FLYWCH1: variants seen among roughly 807,000 people sequenced by gnomAD.
FLYWCH1 encodes the protein FLYWCH-type zinc finger 1, also known as FLYWCH-type zinc finger-containing protein 1.
A neutral mutation model predicts 66.4 loss-of-function variants in FLYWCH1; 75 were observed. That is an observed-to-expected ratio of 1.13 (90% CI 0.94 to 1.37). The LOEUF (loss-of-function observed/expected upper bound fraction) is 1.37, where lower values mean the gene tolerates loss of function less well. FLYWCH1 is among the 40% of genes most tolerant of loss of function. The pLI, the probability that FLYWCH1 is intolerant of heterozygous loss-of-function variation, is 0.00. For missense variants in FLYWCH1, 1,334 were observed against 1,001.8 expected (o/e 1.33, Z -4.48); for synonymous variants, 595 against 429.9 (o/e 1.38, Z -4.75).
chr16:2,912,456 G>T (rs995299121), intron 1 of FLYWCH1, among the ~76,000 whole-genome samples: 1 of 151,856 alleles, frequency 6.6e-6, no homozygotes, highest in African/African-American at 2.4e-5. Context: ...CGCAGCATCA[G>T]CCCCGTCCCA....
At chr16:2,937,844 C>G (rs2150986994) in intron 7 of FLYWCH1, among the ~76,000 whole-genome samples, 1 of 141,398 alleles carries the variant, frequency 7.1e-6, no homozygotes, top group Admixed American at 7.2e-5. Context: ...GACAGGGAGC[C>G]AGGAGGCCCT....
chr16:2,924,096 C>A (rs565264749), intron 2 of FLYWCH1, among the ~76,000 whole-genome samples: 1 of 151,892 alleles, frequency 6.6e-6, no homozygotes, highest in Non-Finnish European at 1.5e-5. Flanking sequence ...TTTGGGAGGC[C>A]GAGGCAGGCG....
chr16:2,925,090 C>G (rs748816471), intron 2 of FLYWCH1, among the ~76,000 whole-genome samples: 90 of 152,342 alleles, frequency 5.9e-4, no homozygotes, highest in Middle Eastern at 3.4e-3. Context: ...GCAGGACCAG[C>G]TGGCGGGGTG....
rs1167665274 is a variant in FLYWCH1 at position 2,929,992 on chromosome 16, T to G, written c.307T>G (p.Cys103Gly). Residue 103 changes from cysteine to glycine, a missense_variant, in exon 3 of 10, where the codon TGC becomes GGC. Transcript: ENST00000253928. ...QPALEMPEQK[C>G]SKLDAAAPQS... ...AGCCCTAGAGATGCCTGAACAGAAG[T>G]GCAGCAAGCTGGATGCAGGTGAGGT... is the stretch of plus-strand genomic sequence containing the variant. 6.2e-7 allele frequency: 1 copy of G among 1,604,948 alleles called. No individual in the cohort carries two copies.
intron 2 of FLYWCH1, among the ~76,000 whole-genome samples, chr16:2,915,917 C>G (rs946652507): frequency 6.6e-6 from 1 of 152,024 alleles, no homozygotes; most frequent in African/African-American, 2.4e-5. Flanking sequence ...GCCAAGGAAA[C>G]ATATTTTTGA....
chr16:2,924,635 C>T lies in FLYWCH1; in HGVS notation c.-73-4978C>T, dbSNP rs75231848. Among the ~76,000 whole-genome samples the T allele has an allele frequency of 3.0e-3, 464 of 152,278 alleles. 4 individuals are homozygous for T. The highest frequency in any genetic ancestry group is 0.01 in the African/African-American group (421 of 41,574). ...GTGAGGCGTGGGAATGTGTACCCTA[C>T]GCTCCTGCCACGCTGTGGGTCACGC... On this transcript the variant is annotated intron_variant, in intron 2 of 9. Transcript: ENST00000253928.
At chr16:2,940,737 T>G (rs1022365352) in intron 9 of FLYWCH1, among the ~76,000 whole-genome samples, 2 of 152,242 alleles carry the variant, frequency 1.3e-5, no homozygotes, top group African/African-American at 4.8e-5. Context: ...GTGCCCAGCC[T>G]TGTTATTGGT....
intron 9 of FLYWCH1, among the ~76,000 whole-genome samples, chr16:2,943,793 C>T (rs2071367575): frequency 6.6e-6 from 1 of 151,940 alleles, no homozygotes; most frequent in Admixed American, 6.6e-5. Flanking sequence ...AAAAATTAGC[C>T]AGGCGTGGTG....
At chr16:2,919,855 A>G (rs9935192) in intron 2 of FLYWCH1, among the ~76,000 whole-genome samples, 5 of 152,032 alleles carry the variant, frequency 3.3e-5, no homozygotes, top group Non-Finnish European at 5.9e-5. Flanking sequence ...TCTTGTGGCC[A>G]TATGGAGTAT....
At chr16:2,932,329 C>T (rs2070794286) in intron 4 of FLYWCH1, among the ~76,000 whole-genome samples, 2 of 148,728 alleles carry the variant, frequency 1.3e-5, no homozygotes, top group Middle Eastern at 3.6e-3. Flanking sequence ...GGTTTTGGGT[C>T]CTAGGTTCAA....
chr16:2,948,957 T>TG lies in FLYWCH1; in HGVS notation c.*234dup. The TG allele has an allele frequency of 1.8e-6, 1 of 544,916 alleles. No homozygotes were observed. Among genetic ancestry groups the TG allele is most frequent in the Non-Finnish European group, 3.3e-6 (1 of 301,602 alleles). 33.8% of individuals were successfully genotyped at this position (544,916 alleles called of 1,614,324 possible). On this transcript the variant is annotated 3_prime_UTR_variant, in exon 10 of 10. Coordinates refer to ENST00000253928, the MANE Select transcript of FLYWCH1 (RefSeq NM_001308068.2). ...CTGGCGCTTGCAGACGCAGCTGTCG[T>TG]GGGGCAGGGCGGTGGCGCCTTCCTG...
chr16:2,949,728 T>G lies in FLYWCH1; in HGVS notation c.*1001T>G, dbSNP rs773983637. ...GGCAAGTTGGCCACGGAACCCACCATGCACTGCAAGGCTGTGACAGCCTGG... is the reference window on the plus strand; with the variant it reads ...GGCAAGTTGGCCACGGAACCCACCAGGCACTGCAAGGCTGTGACAGCCTGG... On this transcript the variant is annotated 3_prime_UTR_variant, in exon 10 of 10. Transcript: ENST00000253928. 6.6e-6 allele frequency: 1 copy of G among 152,000 alleles called. No homozygotes were observed. The highest frequency in any genetic ancestry group is 1.5e-5 in the Non-Finnish European group (1 of 68,024). The allele number at this position is 152,000 out of a possible 1,614,324, so 9.4% of individuals were successfully genotyped here.
intron 6 of FLYWCH1, 95 bp from the exon 7 acceptor site, chr16:2,937,026 G>A: frequency 8.0e-7 from 1 of 1,243,942 alleles, no homozygotes; most frequent in Non-Finnish European, 1.0e-6. Context: ...GTGAGGAGGA[G>A]GTGTGGGCGT....
At chr16:2,929,482 A>G (rs1322749414) in intron 2 of FLYWCH1, 131 bp from the exon 3 acceptor site, 2 of 660,078 alleles carry the variant, frequency 3.0e-6, no homozygotes, top group Non-Finnish European at 5.1e-6. Context: ...GCCTAGTTCC[A>G]TCAGGCCCCC....
Position 2,944,558 on chromosome 16 carries a change from C to G in FLYWCH1, c.2112-4130C>G, listed in dbSNP as rs576771389. The stretch of plus-strand genomic sequence containing the variant: ...CTGTAGGCCAGCCACAGCATTGGCT[C>G]ACACCTATAATCCCAGCACTTTGGT... On this transcript the variant is annotated intron_variant, in intron 9 of 9. Coordinates refer to ENST00000253928, the MANE Select transcript of FLYWCH1 (RefSeq NM_001308068.2). Among the ~76,000 whole-genome samples, 8 of 152,244 alleles carry G rather than the reference C, an allele frequency of 5.3e-5. No homozygotes were observed. In the South Asian group the frequency reaches 1.7e-3, roughly 32 times the overall value.
intron 6 of FLYWCH1, 127 bp downstream of exon 6, chr16:2,934,106 A>T: frequency 2.5e-6 from 3 of 1,203,236 alleles, no homozygotes; most frequent in Non-Finnish European, 3.4e-6. Context: ...TCCTAGAAGG[A>T]ACTATGGCCC....
chr16:2,944,530 C>G (rs757151902), intron 9 of FLYWCH1, among the ~76,000 whole-genome samples: 3 of 151,930 alleles, frequency 2.0e-5, no homozygotes, highest in Non-Finnish European at 4.4e-5. Context: ...TTTAAAAAGT[C>G]AACTGTAGGC....
At chr16:2,922,485 G>T (rs2150912716) in intron 2 of FLYWCH1, 1 of 235,308 alleles carries the variant, frequency 4.2e-6, no homozygotes, top group South Asian at 5.4e-5. Flanking sequence ...TCATCCTCCT[G>T]CCCCTGGCAC....
intron 2 of FLYWCH1, among the ~76,000 whole-genome samples, chr16:2,917,469 T>G (rs2070212021): frequency 6.6e-6 from 1 of 151,982 alleles, no homozygotes; most frequent in African/African-American, 2.4e-5. Flanking sequence ...CCTCAGGTGA[T>G]CCGCCCATCT....
Sources: allele counts gnomAD v4.1 joint callset (sites outside exome capture counted in the v4.1 genomes callset), GRCh38; gene constraint gnomAD v4.1.1; transcripts MANE v1.5; gene names NCBI Gene and HGNC (gene_info 2026-07-23, HGNC 2026-07-21).